Variants in SSH2 observed in about 807,000 individuals in gnomAD.
The protein encoded by SSH2 is protein phosphatase Slingshot homolog 2.
SSH2 carries 37 observed loss-of-function variants against 135.2 expected under a neutral mutation model. The ratio of observed to expected loss-of-function variants is 0.27; its 90% CI spans 0.21 to 0.36. The LOEUF is 0.36. Among genes scored for constraint, SSH2 ranks in the 10% least tolerant of loss-of-function variants. SSH2 has a pLI of 1.00. For synonymous variants in SSH2, 628 were observed against 646.2 expected, an observed-to-expected ratio of 0.97 and a Z score of 0.43; for missense variants, 1,408 against 1,765.3, an observed-to-expected ratio of 0.80 and a Z score of 3.63.
chr17:29,829,222 A>G (rs1264960871), intron 2 of SSH2, among the ~76,000 whole-genome samples: 1 of 152,212 alleles, frequency 6.6e-6, no homozygotes, highest in Non-Finnish European at 1.5e-5. Context: ...CCATTATCTC[A>G]TTTAATCTTC....
intron 6 of SSH2, among the ~76,000 whole-genome samples, chr17:29,683,801 TG>T (rs2038088841): frequency 6.7e-6 from 1 of 149,078 alleles, no homozygotes; most frequent in Non-Finnish European, 1.5e-5. Context: ...ACCAAATAGC[TG>T]GGTATGGTGG....
chr17:29,677,760 T>G lies in SSH2; in HGVS notation c.480-19A>C. ...AGTGCTACTGCAAGACAAGAAGTAGTCCAATAGTTACTCCCCATTACTCTG... is the reference window on the plus strand; with the variant it reads ...AGTGCTACTGCAAGACAAGAAGTAGGCCAATAGTTACTCCCCATTACTCTG... On this transcript the variant is annotated intron_variant, in intron 6 of 15. Coordinates refer to ENST00000540801, the MANE Select transcript of SSH2 (RefSeq NM_001282129.2). The G allele has an allele frequency of 6.2e-7, 1 of 1,604,016 alleles. No homozygotes were observed. Among genetic ancestry groups the G allele is most frequent in the Non-Finnish European group, 8.5e-7 (1 of 1,170,796 alleles).
intron 1 of SSH2, among the ~76,000 whole-genome samples, chr17:29,923,165 C>T (rs1228617500): frequency 6.6e-6 from 1 of 152,194 alleles, no homozygotes; most frequent in Non-Finnish European, 1.5e-5. Flanking sequence ...CCACCTTGGC[C>T]TCCCAAAGTG....
At chr17:29,830,906 G>A (rs2042833524) in intron 2 of SSH2, among the ~76,000 whole-genome samples, 1 of 152,212 alleles carries the variant, frequency 6.6e-6, no homozygotes, top group African/African-American at 2.4e-5. Flanking sequence ...GAAAGGAAAT[G>A]AAGCAGTAGT....
Position 29,636,056 on chromosome 17 carries a change from T to C in SSH2, c.2174A>G (p.Lys725Arg), listed in dbSNP as rs1393972550. 2.5e-6 allele frequency: 4 copies of C among 1,614,188 alleles called. No homozygotes were observed. In the Admixed American group the frequency reaches 5.0e-5, roughly 20 times the overall value. The part of the protein sequence containing the change: ...RLSVVEVAPS[K>R]VTADDQRSSS... ...GCTTCTCTGGTCATCAGCTGTCACT[T>C]TGGAAGGGGCTACTTCTACCACTGA... The change falls in exon 15 of 16, where the codon AAA (lysine) becomes AGA (arginine). Residue 725 changes from lysine (K) to arginine (R), a missense_variant. Physicochemically the swap from Lys to Arg is conservative, Grantham distance 26 (BLOSUM62 2). Transcript: ENST00000540801.
chr17:29,672,428 T>C (rs1039473488), intron 8 of SSH2, among the ~76,000 whole-genome samples: 4 of 152,176 alleles, frequency 2.6e-5, no homozygotes, highest in African/African-American at 9.7e-5. Context: ...CATGATCCTA[T>C]AGTTGGGACC....
Position 29,632,251 on chromosome 17 carries a change from A to G in SSH2, c.2943T>C (p.Val981=). Residue 981 remains valine, a synonymous_variant, in exon 16 of 16, where the codon GTT becomes GTC. Coordinates refer to ENST00000540801, the MANE Select transcript of SSH2 (RefSeq NM_001282129.2). ...SLSHSEQNAT[V]PAPRVLEFDH... ...CAAACTCCAGCACCCTGGGAGCTGG[A>G]ACAGTGGCATTCTGCTCAGAATGGG... The G allele has an allele frequency of 6.2e-7, 1 of 1,614,048 alleles. No individual in the cohort carries two copies. The highest frequency in any genetic ancestry group is 8.5e-7 in the Non-Finnish European group (1 of 1,179,982).
intron 1 of SSH2, chr17:29,856,017 C>A: frequency 2.5e-6 from 1 of 393,416 alleles, no homozygotes; most frequent in Non-Finnish European, 5.0e-6. Flanking sequence ...ACTGGGCTTC[C>A]ATTACAAGAT....
chr17:29,766,383 G>A (rs1341796397), intron 3 of SSH2, among the ~76,000 whole-genome samples: 7 of 151,718 alleles, frequency 4.6e-5, no homozygotes, highest in African/African-American at 7.3e-5. Context: ...GCTTGAACCC[G>A]GGAGGTGGAG....
At chr17:29,761,087 C>A in intron 3 of SSH2, 1 of 1,282,736 alleles carries the variant, frequency 7.8e-7, no homozygotes, top group African/African-American at 1.5e-5. Flanking sequence ...CTGGGGAAAG[C>A]GGCTGCTGAA....
At chr17:29,879,295 TAG>T (rs1483099704) in intron 1 of SSH2, among the ~76,000 whole-genome samples, 3 of 151,912 alleles carry the variant, frequency 2.0e-5, no homozygotes, top group Non-Finnish European at 4.4e-5. Flanking sequence ...TTGTGAGAGG[TAG>T]AATCAGTATT....
chr17:29,720,952 C>T (rs1429098647), intron 3 of SSH2, among the ~76,000 whole-genome samples: 1 of 152,172 alleles, frequency 6.6e-6, no homozygotes, highest in Non-Finnish European at 1.5e-5. Flanking sequence ...AATTGTAACA[C>T]CATTACAGAT....
At chr17:29,848,745 G>C in intron 2 of SSH2, 104 bp downstream of exon 2, 3 of 703,418 alleles carry the variant, frequency 4.3e-6, no homozygotes, top group Non-Finnish European at 6.9e-6. Flanking sequence ...GGGTCAAATA[G>C]ATAAAATAAT....
intron 1 of SSH2, among the ~76,000 whole-genome samples, chr17:29,898,501 C>A (rs1037784316): frequency 2.6e-4 from 40 of 152,242 alleles, no homozygotes; most frequent in Admixed American, 9.2e-4. Flanking sequence ...ACTATAAACA[C>A]CTCTACGCAA....
intron 6 of SSH2, among the ~76,000 whole-genome samples, chr17:29,680,948 T>C (rs1022021777): frequency 3.3e-5 from 5 of 152,112 alleles, no homozygotes; most frequent in Non-Finnish European, 7.4e-5. Flanking sequence ...ATCTATAAGC[T>C]TGTGACCAGA....
chr17:29,770,528 A>G (rs2151272179), intron 3 of SSH2, among the ~76,000 whole-genome samples: 1 of 150,156 alleles, frequency 6.7e-6, no homozygotes, highest in South Asian at 2.1e-4. Context: ...GCTGGGGTGC[A>G]GTGGCATGAT....
At position 29,900,274 on chromosome 17, in the gene SSH2, AG is replaced by A. The variant is rs369734376; in HGVS notation, c.63+29663del. 9.2e-5 allele frequency among the ~76,000 whole-genome samples: 14 copies of A among 151,498 alleles called. No homozygotes were observed. In the South Asian group the frequency reaches 2.7e-3, roughly 29 times the overall value. ...AAGCAATGGCAACAAAAGCCAAAAT[AG>A]ACAAATGGGATCTAATTAAACTAAA... On this transcript the variant is annotated intron_variant, in intron 1 of 15. Coordinates refer to ENST00000540801, the MANE Select transcript of SSH2 (RefSeq NM_001282129.2).
Position 29,923,992 on chromosome 17 carries a change from C to A in SSH2, c.63+5946G>T, listed in dbSNP as rs145481588. Among the ~76,000 whole-genome samples the A allele has an allele frequency of 3.7e-3, 559 of 152,268 alleles. 9 individuals are homozygous for A. Among genetic ancestry groups the A allele is most frequent in the Non-Finnish European group, 1.2e-3 (79 of 68,000 alleles). ...CAATACATCTGTGATAGACACCAAA[C>A]TTCTAAAAAAACAAAGATATGAAAT... On this transcript the variant is annotated intron_variant, in intron 1 of 15. Transcript: ENST00000540801.
intron 3 of SSH2, among the ~76,000 whole-genome samples, chr17:29,755,458 A>C (rs2032093050): frequency 6.6e-6 from 1 of 152,154 alleles, no homozygotes; most frequent in African/African-American, 2.4e-5. Flanking sequence ...AATAATGATA[A>C]CATAATTACC....
Sources: allele counts gnomAD v4.1 joint callset (sites outside exome capture counted in the v4.1 genomes callset), GRCh38; gene constraint gnomAD v4.1.1; transcripts MANE v1.5; gene names NCBI Gene and HGNC (gene_info 2026-07-23, HGNC 2026-07-21).